Variants in PPFIA1 observed in about 807,000 individuals in gnomAD.
PPFIA1 encodes liprin-alpha-1.
PPFIA1 carries 25 observed loss-of-function variants against 149.9 expected under a neutral mutation model. The observed-to-expected ratio is 0.17, with a 90% CI of 0.12 to 0.23. The LOEUF (loss-of-function observed/expected upper bound fraction) is 0.23, where lower values mean the gene tolerates loss of function less well. PPFIA1 is among the 10% of genes least tolerant of loss of function. The pLI is 1.00. For synonymous variants in PPFIA1, 549 were observed against 552.8 expected (o/e 0.99, Z 0.10); for missense variants, 1,362 against 1,506.5 (o/e 0.90, Z 1.59).
chr11:70,364,374 A>T (rs776374274), intron 21 of PPFIA1: 1 of 152,224 alleles, frequency 6.6e-6, no homozygotes, highest in Non-Finnish European at 1.5e-5. Flanking sequence ...ATTGGGAGAT[A>T]AGGGCAGGCC....
Position 70,324,428 on chromosome 11 carries a change from C to T in PPFIA1, c.291C>T (p.Leu97=). The change falls in exon 3 of 28, where the codon CTC becomes CTT. Residue 97 remains leucine, a synonymous_variant. Transcript: ENST00000253925. ...AGTTCGCAGCACTTACTAAAGAACT[C>T]AATGTATGCAGGGAACAGCTCCTTG... is the stretch of plus-strand genomic sequence containing the variant. ...PQEFAALTKE[L]NVCREQLLER... is the part of the protein sequence containing the mutation. 1 of 1,612,390 alleles carries T rather than the reference C, an allele frequency of 6.2e-7. No homozygotes were observed. The highest frequency in any genetic ancestry group is 8.5e-7 in the Non-Finnish European group (1 of 1,179,098).
intron 2 of PPFIA1, among the ~76,000 whole-genome samples, chr11:70,311,308 C>CAA (rs879918332): frequency 1.4e-4 from 18 of 128,688 alleles, no homozygotes; most frequent in Admixed American, 2.3e-4. Flanking sequence ...AACTCCATCT[C>CAA]AAAAAAAAAA....
rs2057785590 is a variant in PPFIA1 at position 70,383,628 on chromosome 11, G to C, written c.*638G>C. On this transcript the variant is annotated 3_prime_UTR_variant, in exon 28 of 28. Coordinates refer to ENST00000253925, the MANE Select transcript of PPFIA1 (RefSeq NM_003626.5). ...TTAAAATGGCTGGTGTTAAATATCA[G>C]CTCCTAATAAGATGTGGACTGAAAA... 1 of 154,540 alleles carries C rather than the reference G, an allele frequency of 6.5e-6. No homozygotes were observed. Among genetic ancestry groups the C allele is most frequent in the Non-Finnish European group, 1.4e-5 (1 of 69,982 alleles). The allele number at this position is 154,540 out of a possible 1,614,324, so 9.6% of individuals were successfully genotyped here. A position where few individuals can be genotyped will look rare whatever the true frequency, so the allele number is the denominator to read the frequency against.
At chr11:70,334,740 G>C (rs2054869446) in intron 10 of PPFIA1, 1 of 152,250 alleles carries the variant, frequency 6.6e-6, no homozygotes, top group Admixed American at 6.5e-5. Context: ...ACTGCTGATG[G>C]CGCGGTCTCA....
At chr11:70,358,907 C>T (rs1013029347) in intron 19 of PPFIA1, among the ~76,000 whole-genome samples, 1 of 152,170 alleles carries the variant, frequency 6.6e-6, no homozygotes, top group Non-Finnish European at 1.5e-5. Context: ...AATTCCCCAG[C>T]GTTCTTGAAA....
At chr11:70,317,637 A>AAACT (rs2053712413) in intron 2 of PPFIA1, among the ~76,000 whole-genome samples, 1 of 152,180 alleles carries the variant, frequency 6.6e-6, no homozygotes, top group African/African-American at 2.4e-5. Context: ...AACCTTAGGG[A>AAACT]AACTGTATGA....
chr11:70,334,540 G>C (rs1193945932), intron 10 of PPFIA1: 4 of 152,188 alleles, frequency 2.6e-5, no homozygotes, highest in Non-Finnish European at 5.9e-5. Context: ...TTTAAATGCT[G>C]ACGGAAAATA....
At position 70,383,906 on chromosome 11, in the gene PPFIA1, C is replaced by T. The variant is rs2057793090; in HGVS notation, c.*916C>T. The T allele has an allele frequency of 6.6e-6, 1 of 152,398 alleles. No individual in the cohort carries two copies. The allele number at this position is 152,398 out of a possible 1,614,324, so 9.4% of individuals were successfully genotyped here. On this transcript the variant is annotated 3_prime_UTR_variant, in exon 28 of 28. Coordinates refer to ENST00000253925, the MANE Select transcript of PPFIA1 (RefSeq NM_003626.5). ...TAGGGCCAGCACCAAGCACCACGCT[C>T]TCATCCTGCAAGTCGGCGCACACAG...
chr11:70,317,344 C>G (rs2053697057), intron 2 of PPFIA1, among the ~76,000 whole-genome samples: 1 of 152,060 alleles, frequency 6.6e-6, no homozygotes, highest in South Asian at 2.1e-4. Context: ...CTAATGTTTA[C>G]CTAAACTGCT....
intron 19 of PPFIA1, chr11:70,358,478 C>A (rs1268413040): frequency 6.6e-6 from 1 of 152,200 alleles, no homozygotes; most frequent in Non-Finnish European, 1.5e-5. Context: ...CCACCTCGGC[C>A]TCCCAAAGTG....
chr11:70,355,770 A>T lies in PPFIA1; in HGVS notation c.2447A>T (p.Lys816Met). 6.2e-7 allele frequency: 1 copy of T among 1,613,778 alleles called. No homozygotes were observed. Among genetic ancestry groups the T allele is most frequent in the Non-Finnish European group, 8.5e-7 (1 of 1,179,932 alleles). The part of the protein sequence containing the change: ...SIGRLFGKKE[K>M]GRPGQTGKEA... Reference sequence around the variant, plus strand: ...GGCCGCTTGTTTGGCAAGAAAGAAAAGGGCCGACCTGGACAAACTGGCAAA... The same window carrying T: ...GGCCGCTTGTTTGGCAAGAAAGAAATGGGCCGACCTGGACAAACTGGCAAA... The change falls in exon 18 of 28, where the codon AAG (lysine) becomes ATG (methionine). Residue 816 changes from lysine to methionine, a missense_variant. Transcript: ENST00000253925.
intron 21 of PPFIA1, among the ~76,000 whole-genome samples, chr11:70,371,117 G>A (rs2057215238): frequency 1.3e-5 from 2 of 152,162 alleles, no homozygotes; most frequent in Non-Finnish European, 2.9e-5. Context: ...GGGCGACAGA[G>A]GGAGCAATTT....
intron 23 of PPFIA1, 129 bp downstream of exon 23, chr11:70,372,703 T>C: frequency 1.5e-6 from 1 of 679,118 alleles, no homozygotes; most frequent in South Asian, 1.9e-5. Context: ...ACTAGTCTAG[T>C]GTCATTGCAG....
intron 21 of PPFIA1, among the ~76,000 whole-genome samples, chr11:70,370,355 C>T (rs764456156): frequency 6.6e-6 from 1 of 151,514 alleles, no homozygotes. Context: ...TTCTGCTTGC[C>T]GTGGATTTCA....
intron 2 of PPFIA1, among the ~76,000 whole-genome samples, chr11:70,280,250 AAATAT>A: frequency 6.7e-6 from 1 of 149,114 alleles, no homozygotes; most frequent in African/African-American, 2.5e-5. Context: ...ATATATATAT[AAATAT>A]ATATGTATAT....
chr11:70,306,512 A>G (rs1050055775), intron 2 of PPFIA1, among the ~76,000 whole-genome samples: 2 of 152,230 alleles, frequency 1.3e-5, no homozygotes, highest in African/African-American at 4.8e-5. Context: ...ACAATGCCTC[A>G]ATTGTGATGT....
Position 70,337,418 on chromosome 11 carries a change from A to G in PPFIA1, c.1482A>G (p.Gln494=). The G allele has an allele frequency of 1.9e-6, 3 of 1,595,528 alleles. No homozygotes were observed. Among genetic ancestry groups the G allele is most frequent in the Non-Finnish European group, 2.6e-6 (3 of 1,169,602 alleles). Reference sequence around the variant, plus strand: ...CAAAAAAGCAGTTAGAAGAAACACAACACGATAAGGTACTGAAATCTTCTC... The same window carrying G: ...CAAAAAAGCAGTTAGAAGAAACACAGCACGATAAGGTACTGAAATCTTCTC... ...ESAKKQLEET[Q]HDKDQLVLNI... The change falls in exon 12 of 28, where the codon CAA becomes CAG. Residue 494 remains glutamine, a synonymous_variant. Transcript: ENST00000253925.
chr11:70,363,032 C>T (rs2056740744), intron 21 of PPFIA1: 1 of 152,354 alleles, frequency 6.6e-6, no homozygotes, highest in Admixed American at 6.5e-5. Context: ...TTTCAGTTTT[C>T]ATGATTCAAA....
chr11:70,347,188 T>G (rs977926244), intron 15 of PPFIA1, among the ~76,000 whole-genome samples: 1 of 152,214 alleles, frequency 6.6e-6, no homozygotes, highest in South Asian at 2.1e-4. Context: ...AATCTGTAGA[T>G]TTCTTCAGCT....
Sources: gnomAD v4.1 joint callset for allele counts (sites outside exome capture counted in the v4.1 genomes callset) on GRCh38, gnomAD v4.1.1 for gene constraint, MANE v1.5 for transcripts, NCBI Gene and HGNC (gene_info 2026-07-23, HGNC 2026-07-21) for gene names.